The following PAK6 variants were observed in gnomAD, a reference collection of about 807,000 sequenced individuals.
PAK6 encodes serine/threonine-protein kinase PAK 6.
Under a neutral mutation model 60.8 loss-of-function variants are expected in PAK6, and 33 were observed. That is an observed-to-expected ratio of 0.54 (90% CI 0.41 to 0.73). PAK6 has a LOEUF of 0.73. Ranked by LOEUF, PAK6 falls within the 30% of genes least tolerant of loss-of-function variation. PAK6 has a pLI of 0.00. For synonymous variants in PAK6, 404 were observed against 378.5 expected (o/e 1.07, Z -0.78); for missense variants, 845 against 904.1 (o/e 0.93, Z 0.84).
In PAK6 at chr15:40,265,008, G is replaced by T. The variant is rs754484188; in HGVS notation, c.204+19G>T. 3 of 1,608,530 alleles carry T rather than the reference G, an allele frequency of 1.9e-6. No individual in the cohort carries two copies. Among genetic ancestry groups the T allele is most frequent in the Non-Finnish European group, 2.5e-6 (3 of 1,177,208 alleles). On this transcript the variant is annotated intron_variant, in intron 4 of 10. Coordinates refer to ENST00000560346, the Ensembl canonical transcript of PAK6. ...CATGAAGGTAAGAGGGGCCGGCAGG[G>T]ATGAGGTTCAGCCTCTCCCAGTACT...
chr15:40,241,653 A>G (rs1228571060), intron 2 of PAK6, among the ~76,000 whole-genome samples: 1 of 152,120 alleles, frequency 6.6e-6, no homozygotes, highest in African/African-American at 2.4e-5. Context: ...AGCTCTGTGC[A>G]CCTGAGAGGG....
chr15:40,260,196 G>A (rs12595425), intron 3 of PAK6: 1 of 152,086 alleles, frequency 6.6e-6, no homozygotes, highest in Non-Finnish European at 1.5e-5. Context: ...GTCAGGCTAC[G>A]GGTACCCGCC....
intron 2 of PAK6, chr15:40,244,914 C>T (rs1464447541): frequency 6.6e-6 from 1 of 152,236 alleles, no homozygotes; most frequent in Non-Finnish European, 1.5e-5. Flanking sequence ...GCATTTCCTA[C>T]AAAACCTCAT....
At chr15:40,276,323 C>A (rs1481092972) in exon 11 of PAK6, 5 of 551,732 alleles carry the variant, frequency 9.1e-6, no homozygotes, top group African/African-American at 5.7e-5. Context: ...TACAGGATGA[C>A]CCCTTGATAT....
intron 2 of PAK6, chr15:40,251,217 G>T (rs1294639090): frequency 6.6e-6 from 1 of 152,278 alleles, no homozygotes; most frequent in African/African-American, 2.4e-5. Flanking sequence ...GGATGTTGGG[G>T]ATGGCAGCAG....
At chr15:40,263,776 G>A (rs57767693) in intron 3 of PAK6, 5,897 of 392,814 alleles carry the variant, frequency 0.015, 323 homozygotes, top group African/African-American at 0.11. Context: ...CACCAGGCCC[G>A]GCTAATTTCT....
chr15:40,242,435 C>A (rs539722638), intron 2 of PAK6, among the ~76,000 whole-genome samples: 1 of 152,206 alleles, frequency 6.6e-6, no homozygotes, highest in African/African-American at 2.4e-5. Context: ...GCCCAGGCTG[C>A]GGAAGCAGTG....
In PAK6 at chr15:40,273,491, C is replaced by T. The variant is rs371749121; in HGVS notation, c.1617+19C>T. The T allele has an allele frequency of 6.2e-7, 1 of 1,613,506 alleles. No homozygotes were observed. The highest frequency in any genetic ancestry group is 1.3e-5 in the African/African-American group (1 of 74,906). On this transcript the variant is annotated intron_variant, in intron 8 of 10. Transcript: ENST00000560346. ...TGGCAGGGTAGGTCCCATCCTGTCC[C>T]TGGCACAGCCACGCTCCCACTTCCT...
chr15:40,266,855 G>T (rs1266151778), intron 5 of PAK6: 2 of 221,444 alleles, frequency 9.0e-6, no homozygotes, highest in Non-Finnish European at 1.8e-5. Flanking sequence ...AAAGGAAAGG[G>T]TGAAGGGAGC....
rs79931057 is a variant in PAK6, at chr15:40,260,551, C to G, written c.-5-4230C>G. On this transcript the variant is annotated intron_variant, in intron 3 of 10. Transcript: ENST00000560346. ...ATACTAAATTAATTATTGTAGCTTT[C>G]TAATAAATCTTAATATCTATTTAGT... 1.4e-4 allele frequency among the ~76,000 whole-genome samples: 22 copies of G among 152,310 alleles called. No individual in the cohort carries two copies. In the East Asian group the frequency reaches 4.0e-3, roughly 28 times the overall value.
intron 5 of PAK6, among the ~76,000 whole-genome samples, chr15:40,270,464 G>C (rs987259381): frequency 6.6e-5 from 10 of 152,188 alleles, no homozygotes; most frequent in African/African-American, 1.9e-4. Flanking sequence ...CCAGATCTCT[G>C]CACACGTCCC....
At chr15:40,254,948 C>G (rs1021464313) in intron 3 of PAK6, among the ~76,000 whole-genome samples, 3 of 152,170 alleles carry the variant, frequency 2.0e-5, no homozygotes, top group African/African-American at 7.2e-5. Flanking sequence ...CCCAGGAAAG[C>G]AGGTTCAGCC....
upstream of PAK6, chr15:40,239,400 C>G (rs2038254157): frequency 6.6e-6 from 1 of 152,544 alleles, no homozygotes; most frequent in Admixed American, 6.5e-5. Context: ...GCTGTTCTTG[C>G]TTCTCCTTTG....
chr15:40,244,715 A>T (rs1406493970), intron 2 of PAK6, among the ~76,000 whole-genome samples: 1 of 152,138 alleles, frequency 6.6e-6, no homozygotes, highest in Non-Finnish European at 1.5e-5. Flanking sequence ...TCTACAAAGG[A>T]TTATCTGTTC....
At chr15:40,271,219 C>T (rs971394410) in intron 5 of PAK6, among the ~76,000 whole-genome samples, 3 of 152,210 alleles carry the variant, frequency 2.0e-5, no homozygotes, top group Admixed American at 1.3e-4. Context: ...TGGGGAGAAC[C>T]CAAAGATGGG....
chr15:40,252,547 CA>C, intron 2 of PAK6: 2 of 1,361,854 alleles, frequency 1.5e-6, no homozygotes. Context: ...ACCCTGAAAT[CA>C]AAATCGCGGT....
At position 40,269,340 on chromosome 15, in the gene PAK6, ATAT is replaced by A. The variant is rs144338837; in HGVS notation, c.858+2849_858+2851del. Among the ~76,000 whole-genome samples, 1,465 of 152,292 alleles carry A rather than the reference ATAT, an allele frequency of 9.6e-3. 25 individuals are homozygous for A. Among genetic ancestry groups the A allele is most frequent in the African/African-American group, 0.033 (1,370 of 41,564 alleles). On this transcript the variant is annotated intron_variant, in intron 5 of 10. Transcript: ENST00000560346. ...CAGGCCGGCTTTATTATTTTTAAAA[ATAT>A]TATGCCATGGCCTCTCCCCTTTAGG...
intron 3 of PAK6, among the ~76,000 whole-genome samples, chr15:40,257,571 T>A (rs1358005770): frequency 6.6e-6 from 1 of 152,216 alleles, no homozygotes; most frequent in Non-Finnish European, 1.5e-5. Flanking sequence ...AAAGAGGAGT[T>A]CTGGAAATGC....
chr15:40,239,682 A>C (rs1451146291), exon 1 of PAK6: 1 of 152,358 alleles, frequency 6.6e-6, no homozygotes, highest in Non-Finnish European at 1.5e-5. Context: ...AGCTGACTGG[A>C]GTCCTCCCGG....
Sources: allele counts gnomAD v4.1 joint callset (sites outside exome capture counted in the v4.1 genomes callset), GRCh38; gene constraint gnomAD v4.1.1; transcripts MANE v1.5; gene names NCBI Gene and HGNC (gene_info 2026-07-23, HGNC 2026-07-21).